The following ATP10B variants were observed in gnomAD, a reference collection of about 807,000 sequenced individuals.
The protein encoded by ATP10B is phospholipid-transporting ATPase VB.
A neutral mutation model predicts 141.2 loss-of-function variants in ATP10B; 122 were observed. The observed-to-expected ratio is 0.86, with a 90% CI of 0.75 to 1.00. The LOEUF (loss-of-function observed/expected upper bound fraction) is 1.00, where lower values mean the gene tolerates loss of function less well. Among genes scored for constraint, ATP10B ranks in the 50% least tolerant of loss-of-function variants. The pLI, the probability that ATP10B is intolerant of heterozygous loss-of-function variation, is 0.00. For missense variants in ATP10B, 1,876 were observed against 1,825.3 expected, an observed-to-expected ratio of 1.03 and a Z score of -0.51; for synonymous variants, 685 against 692.0, an observed-to-expected ratio of 0.99 and a Z score of 0.16.
chr5:160,894,534 C>T, the ATP10B span, among the ~76,000 whole-genome samples: 1 of 151,958 alleles, frequency 6.6e-6, no homozygotes, highest in Non-Finnish European at 1.5e-5. Context: ...AACAAAGCCT[C>T]CAAGAAATAT....
the ATP10B span, among the ~76,000 whole-genome samples, chr5:160,913,981 G>A: frequency 6.6e-6 from 1 of 152,170 alleles, no homozygotes; most frequent in Admixed American, 6.5e-5. Context: ...TGCTTGATGT[G>A]TCATAAAATT....
At chr5:160,757,691 A>G (rs560786469) in intron 2 of ATP10B, among the ~76,000 whole-genome samples, 66 of 152,130 alleles carry the variant, frequency 4.3e-4, no homozygotes, top group Non-Finnish European at 1.3e-4. Context: ...TGTGGTATGG[A>G]TGGGGGGATA....
At chr5:160,628,601 C>CG (rs1554097694) in intron 13 of ATP10B, among the ~76,000 whole-genome samples, 23 of 147,972 alleles carry the variant, frequency 1.6e-4, no homozygotes, top group Admixed American at 6.7e-4. Context: ...GGTGGGGTGG[C>CG]GGGGGGGATG....
the ATP10B span, among the ~76,000 whole-genome samples, chr5:160,883,557 A>G: frequency 1.3e-5 from 2 of 152,338 alleles, no homozygotes; most frequent in East Asian, 1.9e-4. Flanking sequence ...AACAAAAGTA[A>G]CATTAGCAGT....
chr5:160,785,986 G>C (rs1771119744), intron 1 of ATP10B, among the ~76,000 whole-genome samples, 183 bp from the exon 2 acceptor site: 1 of 152,128 alleles, frequency 6.6e-6, no homozygotes, highest in Non-Finnish European at 1.5e-5. Flanking sequence ...TTCTGCCAGG[G>C]AATCAGGTCT....
At chr5:160,742,753 G>T (rs557883751) in intron 2 of ATP10B, among the ~76,000 whole-genome samples, 2 of 152,254 alleles carry the variant, frequency 1.3e-5, no homozygotes, top group Non-Finnish European at 2.9e-5. Flanking sequence ...AGGGAATTTG[G>T]GGGGAGGATT....
intron 2 of ATP10B, among the ~76,000 whole-genome samples, chr5:160,782,952 T>C (rs1272292573): frequency 2.0e-5 from 3 of 152,136 alleles, no homozygotes; most frequent in Non-Finnish European, 1.5e-5. Flanking sequence ...TAGAAGTATA[T>C]ATACACATAT....
intron 6 of ATP10B, chr5:160,685,121 G>C (rs1452915888): frequency 1.4e-6 from 1 of 702,466 alleles, no homozygotes; most frequent in East Asian, 2.7e-5. Context: ...TGTCTGTTGG[G>C]GTTCTCTTTG....
chr5:160,640,704 T>A, intron 9 of ATP10B, 112 bp from the exon 10 acceptor site: 1 of 1,397,470 alleles, frequency 7.2e-7, no homozygotes, highest in Non-Finnish European at 9.7e-7. Flanking sequence ...CTTCACTCTT[T>A]AACCTGAACT....
chr5:160,867,771 T>A, the ATP10B span, among the ~76,000 whole-genome samples: 601 of 152,260 alleles, frequency 3.9e-3, 4 homozygotes, highest in African/African-American at 0.014. Flanking sequence ...ATTAGAAGTT[T>A]TAACTGTGGA....
At chr5:160,659,937 A>G (rs541136643) in intron 7 of ATP10B, among the ~76,000 whole-genome samples, 2 of 152,338 alleles carry the variant, frequency 1.3e-5, no homozygotes, top group African/African-American at 4.8e-5. Context: ...TTACCTGGAT[A>G]ATCTTTGACA....
At chr5:160,622,790 GC>G (rs1221019139) in intron 13 of ATP10B, among the ~76,000 whole-genome samples, 1 of 152,140 alleles carries the variant, frequency 6.6e-6, no homozygotes. Context: ...ATTACCAGAT[GC>G]TGACAGTTCT....
intron 3 of ATP10B, among the ~76,000 whole-genome samples, chr5:160,714,758 G>C (rs1194751630): frequency 1.6e-5 from 2 of 127,912 alleles, no homozygotes; most frequent in Non-Finnish European, 3.3e-5. Context: ...ATCTACTTTT[G>C]GTCTTTGATG....
At chr5:160,754,409 A>G (rs1377849268) in intron 2 of ATP10B, among the ~76,000 whole-genome samples, 4 of 152,176 alleles carry the variant, frequency 2.6e-5, no homozygotes, top group Non-Finnish European at 4.4e-5. Flanking sequence ...AGTCAAAACA[A>G]ATAAGCTTTC....
chr5:160,854,967 A>G (rs1369618897), upstream of ATP10B, among the ~76,000 whole-genome samples: 2 of 152,162 alleles, frequency 1.3e-5, no homozygotes, highest in African/African-American at 4.8e-5. Flanking sequence ...TCTGGGACTC[A>G]AACTACAGAT....
intron 2 of ATP10B, among the ~76,000 whole-genome samples, chr5:160,779,359 A>T (rs1770566940): frequency 1.3e-5 from 2 of 152,190 alleles, no homozygotes; most frequent in African/African-American, 4.8e-5. Context: ...TGAACATATT[A>T]GGCAAAAGTG....
intron 1 of ATP10B, among the ~76,000 whole-genome samples, chr5:160,815,996 G>T (rs1351160555): frequency 6.6e-6 from 1 of 151,776 alleles, no homozygotes; most frequent in Non-Finnish European, 1.5e-5. Flanking sequence ...CAGAATCTCT[G>T]GGACACATTT....
At chr5:160,594,384 G>A (rs971632512) in intron 22 of ATP10B, among the ~76,000 whole-genome samples, 2 of 152,132 alleles carry the variant, frequency 1.3e-5, no homozygotes, top group South Asian at 2.1e-4. Context: ...AGCTCCTGAA[G>A]GAAGCACTAA....
intron 2 of ATP10B, among the ~76,000 whole-genome samples, chr5:160,782,396 A>G (rs1174756587): frequency 6.6e-6 from 1 of 151,250 alleles, no homozygotes; most frequent in Non-Finnish European, 1.5e-5. Context: ...GGCATCAGCA[A>G]AGTTTACATT....
Sources: gnomAD v4.1 joint callset for allele counts (sites outside exome capture counted in the v4.1 genomes callset) on GRCh38, gnomAD v4.1.1 for gene constraint, MANE v1.5 for transcripts, NCBI Gene and HGNC (gene_info 2026-07-23, HGNC 2026-07-21) for gene names.